SETD2: variants seen among roughly 807,000 people sequenced by gnomAD.
SETD2 encodes the protein histone-lysine N-methyltransferase SETD2.
In SETD2, 31 loss-of-function variants were observed where a neutral mutation model predicts 242.1. That is an observed-to-expected ratio of 0.13 (90% confidence interval 0.10 to 0.17). The LOEUF is 0.17. Ranked by LOEUF, SETD2 falls within the 10% of genes least tolerant of loss-of-function variation. SETD2 has a pLI of 1.00. For synonymous variants in SETD2, 1,006 were observed against 1,066.5 expected, an observed-to-expected ratio of 0.94 and a Z score of 1.11; for missense variants, 2,481 against 3,046.3, an observed-to-expected ratio of 0.81 and a Z score of 4.37.
At position 47,084,322 on chromosome 3, in the gene SETD2, C is replaced by G. The variant is rs2107640718; in HGVS notation, c.5458G>C (p.Val1820Leu). The change falls in exon 12 of 21, where the codon GTA (valine) becomes CTA (leucine). Residue 1820 changes from valine to leucine, a missense_variant. Val to Leu is a conservative substitution (Grantham distance 32). Transcript: ENST00000409792. ...GACCAGCGTTGAATAATTGGAAGTA[C>G]TTTGCTTTCCTCCAACATATTTTTA... ...PTKNMLEESK[V>L]LPIIQRWSQT... is the part of the protein sequence containing the mutation. 6.2e-7 allele frequency: 1 copy of G among 1,613,810 alleles called. No individual in the cohort carries two copies. The highest frequency in any genetic ancestry group is 8.5e-7 in the Non-Finnish European group (1 of 1,179,862).
rs1438269880 is a variant in SETD2 at position 47,122,119 on chromosome 3, TCTA to T, written c.2514_2516del (p.Ser838del). 3 of 1,613,892 alleles carry T rather than the reference TCTA, an allele frequency of 1.9e-6. No homozygotes were observed. The highest frequency in any genetic ancestry group is 2.5e-6 in the Non-Finnish European group (3 of 1,179,978). ...CAAATTTTGAGTGATCTGTCAAATT[TCTA>T]CTATCACATATAACTGGTTTTGATT... On this transcript the variant is annotated inframe_deletion, in exon 3 of 21. Transcript: ENST00000409792.
At chr3:47,025,384 T>C (rs148249636) in intron 18 of SETD2, among the ~76,000 whole-genome samples, 9 of 152,346 alleles carry the variant, frequency 5.9e-5, no homozygotes, top group East Asian at 5.8e-4. Context: ...ATTTCACTAT[T>C]ACTGATCTCA....
chr3:47,079,464 T>C (rs375751063), intron 12 of SETD2, among the ~76,000 whole-genome samples: 1 of 152,130 alleles, frequency 6.6e-6, no homozygotes, highest in East Asian at 1.9e-4. Flanking sequence ...TGGGCAGCAA[T>C]AGAAACATGA....
At chr3:47,106,501 A>G (rs1254853807) in intron 5 of SETD2, among the ~76,000 whole-genome samples, 1 of 43,240 alleles carries the variant, frequency 2.3e-5, no homozygotes, top group African/African-American at 5.5e-5. Flanking sequence ...TCTAAAAAAA[A>G]AAAAAAAAAA....
In SETD2 at chr3:47,017,280, C is replaced by G. The variant is rs371454381; in HGVS notation, c.7534-26G>C. On this transcript the variant is annotated intron_variant, in intron 20 of 20. Transcript: ENST00000409792. The surrounding 1 kb of genome is among the most constrained non-coding windows in gnomAD (Gnocchi z 4.8). ...CTGTCCAGGGCACAGGAAGAGAGACCACAGCCACCAATCAGAGCAGAAATT... is the reference window on the plus strand; with the variant it reads ...CTGTCCAGGGCACAGGAAGAGAGACGACAGCCACCAATCAGAGCAGAAATT... The G allele has an allele frequency of 6.2e-7, 1 of 1,612,454 alleles. No individual in the cohort carries two copies. Among genetic ancestry groups the G allele is most frequent in the Non-Finnish European group, 8.5e-7 (1 of 1,179,054 alleles).
At chr3:47,045,047 A>C (rs1417056221) in intron 16 of SETD2, among the ~76,000 whole-genome samples, 1 of 152,188 alleles carries the variant, frequency 6.6e-6, no homozygotes. Context: ...CAGATAAGGG[A>C]TACTCAACCT....
At chr3:47,137,174 AT>A (rs1159620071) in intron 1 of SETD2, among the ~76,000 whole-genome samples, 1 of 151,866 alleles carries the variant, frequency 6.6e-6, no homozygotes, top group Non-Finnish European at 1.5e-5. Flanking sequence ...TATTCCTAGC[AT>A]TTATTATTAT....
chr3:47,028,970 C>A, intron 18 of SETD2: 1 of 206,052 alleles, frequency 4.9e-6, no homozygotes, highest in South Asian at 7.6e-5. Context: ...CTTCCAAGTT[C>A]CCCTCACATA....
chr3:47,129,987 C>T (rs1205495889), intron 1 of SETD2, among the ~76,000 whole-genome samples: 6 of 151,922 alleles, frequency 3.9e-5, no homozygotes, highest in African/African-American at 1.2e-4. Flanking sequence ...AAAATTCAAG[C>T]GTTAGGCAAC....
intron 18 of SETD2, among the ~76,000 whole-genome samples, chr3:47,027,088 C>A (rs544665583): frequency 9.9e-4 from 150 of 152,138 alleles, no homozygotes; most frequent in African/African-American, 3.5e-3. Context: ...GTAATCCCAG[C>A]ACTTTGGGAA....
intron 12 of SETD2, among the ~76,000 whole-genome samples, chr3:47,071,250 A>G (rs948029847): frequency 1.6e-4 from 24 of 152,182 alleles, no homozygotes; most frequent in African/African-American, 5.5e-4. Flanking sequence ...TTATTTCTTT[A>G]GTGTCTAGGT....
At chr3:47,019,192 C>T (rs1454167109) in intron 19 of SETD2, among the ~76,000 whole-genome samples, 2 of 152,176 alleles carry the variant, frequency 1.3e-5, no homozygotes, top group East Asian at 3.9e-4. Context: ...TAGGCAGCTA[C>T]CAAATGAGAT....
intron 15 of SETD2, among the ~76,000 whole-genome samples, chr3:47,049,304 AATATATATATATAT>A (rs55952850): frequency 0.011 from 1,212 of 108,526 alleles, 13 homozygotes; most frequent in Middle Eastern, 0.026. Context: ...AAGTTTTCTA[AATATATATATATAT>A]ATATATATAT....
At chr3:47,099,067 T>A (rs2042110385) in intron 8 of SETD2, among the ~76,000 whole-genome samples, 1 of 152,108 alleles carries the variant, frequency 6.6e-6, no homozygotes. Flanking sequence ...CATCTGGCAT[T>A]TGTCCTAGAT....
rs1377496437 is a variant in SETD2 at position 47,121,939 on chromosome 3, T to A, written c.2697A>T (p.Lys899Asn). 6.2e-7 allele frequency: 1 copy of A among 1,614,032 alleles called. No homozygotes were observed. Among genetic ancestry groups the A allele is most frequent in the Non-Finnish European group, 8.5e-7 (1 of 1,180,010 alleles). The change falls in exon 3 of 21, where the codon AAA (lysine) becomes AAT (asparagine). Residue 899 changes from lysine to asparagine, a missense_variant. Physicochemically the swap from Lys to Asn is moderately conservative, Grantham distance 94. Transcript: ENST00000409792. ...GAACTGGAGATGTGTTCTCTCCGCA[T>A]TTCAAGAGAGTTAGACTGTCCACCT... is the stretch of plus-strand genomic sequence containing the variant. ...GIKVDSLTLL[K>N]CGENTSPVLD...
At chr3:47,088,290 AC>A (rs1417318213) in intron 9 of SETD2, 43 bp from the exon 10 acceptor site, 28 of 1,504,672 alleles carry the variant, frequency 1.9e-5, no homozygotes, top group Admixed American at 2.2e-5. Context: ...AACAACAACA[AC>A]AAAAAAAAAA....
chr3:47,074,952 G>A (rs181542878), intron 12 of SETD2, among the ~76,000 whole-genome samples: 3 of 152,110 alleles, frequency 2.0e-5, no homozygotes, highest in South Asian at 2.1e-4. Context: ...TGGCTAACAC[G>A]GTGAAACCCC....
intron 13 of SETD2, among the ~76,000 whole-genome samples, chr3:47,066,754 A>G (rs893978168): frequency 9.9e-5 from 15 of 152,086 alleles, no homozygotes; most frequent in African/African-American, 3.6e-4. Flanking sequence ...TCAAAATCAC[A>G]ATAATAAAAG....
intron 1 of SETD2, chr3:47,127,430 T>A (rs1473163620): frequency 1.6e-5 from 4 of 243,486 alleles, no homozygotes; most frequent in South Asian, 3.7e-5. Context: ...GAGTCAGAGA[T>A]TAACACATAA....
Sources: gnomAD v4.1 joint callset for allele counts (sites outside exome capture counted in the v4.1 genomes callset) on GRCh38, gnomAD v4.1.1 for gene constraint, Gnocchi (gnomAD v3.1) non-coding constraint, MANE v1.5 for transcripts, NCBI Gene and HGNC (gene_info 2026-07-23, HGNC 2026-07-21) for gene names.